Variants in RNF213 observed in about 807,000 individuals in gnomAD.
The protein encoded by RNF213 is ring finger protein 213.
RNF213 carries 341 observed loss-of-function variants against 514.4 expected under a neutral mutation model. That is an observed-to-expected ratio of 0.66 (90% CI 0.61 to 0.73). The LOEUF (loss-of-function observed/expected upper bound fraction) is 0.73, where lower values mean the gene tolerates loss of function less well. Ranked by LOEUF, RNF213 falls within the 30% of genes least tolerant of loss-of-function variation. RNF213 has a pLI of 0.00. For synonymous variants in RNF213, 2,655 were observed against 2,658.2 expected, an observed-to-expected ratio of 1.00 and a Z score of 0.04; for missense variants, 5,767 against 6,615.6, an observed-to-expected ratio of 0.87 and a Z score of 4.45.
chr17:80,318,741 A>G (rs116952508), intron 16 of RNF213, among the ~76,000 whole-genome samples: 9,715 of 151,476 alleles, frequency 0.064, 459 homozygotes, highest in East Asian at 0.23. Context: ...GCCCAGCTAT[A>G]TTTTTGTATT....
Position 80,319,326 on chromosome 17 carries a change from C to T in RNF213, c.3024+14C>T, listed in dbSNP as rs371695657. On this transcript the variant is annotated intron_variant, in intron 17 of 67. Coordinates refer to ENST00000582970, the MANE Select transcript of RNF213 (RefSeq NM_001256071.3). ...TCAGCCTGCCAGGTGAACAATCTCT[C>T]CTCCTGGGAAACGGATTCGGGCTCA... is the stretch of plus-strand genomic sequence containing the variant. The T allele has an allele frequency of 1.9e-5, 30 of 1,614,086 alleles. No homozygotes were observed. Among genetic ancestry groups the T allele is most frequent in the East Asian group, 2.2e-5 (1 of 44,894 alleles).
rs61739536 is a variant in RNF213 at position 80,379,664 on chromosome 17, G to A, written c.13590G>A (p.Ala4530=). 2.9e-3 allele frequency: 4,654 copies of A among 1,614,216 alleles called. 129 individuals carry two copies. The African/African-American group carries it at 0.054, about 19-fold the overall frequency. ...MEQSICIDCH[A]PIGGIDHKPR... The stretch of plus-strand genomic sequence containing the variant: ...AGAGCATCTGCATTGACTGCCATGC[G>A]CCGATTGGAGGCATTGACCACAAAC... Residue 4530 remains alanine, a synonymous_variant, in exon 55 of 68, where the codon GCG becomes GCA. Transcript: ENST00000582970.
chr17:80,349,739 G>A, intron 29 of RNF213, 31 bp from the exon 30 acceptor site: 1 of 1,613,004 alleles, frequency 6.2e-7, no homozygotes, highest in East Asian at 2.2e-5. Flanking sequence ...CTTGAAGTCT[G>A]GCAAGTAATT....
chr17:80,363,053 C>T (rs1222292275), intron 39 of RNF213, 49 bp from the exon 40 acceptor site: 13 of 1,513,878 alleles, frequency 8.6e-6, no homozygotes, highest in Non-Finnish European at 1.0e-5. Context: ...GGAAAACATA[C>T]CATTTTTGTA....
chr17:80,301,282 C>G (rs1019013621), intron 11 of RNF213, among the ~76,000 whole-genome samples: 4 of 152,118 alleles, frequency 2.6e-5, no homozygotes, highest in Non-Finnish European at 5.9e-5. Context: ...TGGAGAAGTC[C>G]TTAAAAGCAC....
At chr17:80,319,949 C>A (rs952371451) in intron 17 of RNF213, 2 of 1,027,086 alleles carry the variant, frequency 1.9e-6, no homozygotes, top group Non-Finnish European at 2.3e-6. Context: ...TTCCGGGGAC[C>A]AAGGGGTTCT....
chr17:80,389,358 C>G lies in RNF213; in HGVS notation c.15186C>G (p.His5062Gln). The change falls in exon 65 of 68, where the codon CAC (histidine) becomes CAG (glutamine). Residue 5062 changes from histidine (H) to glutamine (Q), a missense_variant. This residue lies in a region of RNF213 where 1,245 missense variants were observed against 1,339.0 expected (regional missense o/e 0.93). Coordinates refer to ENST00000582970, the MANE Select transcript of RNF213 (RefSeq NM_001256071.3). ...DILQMGDQTIHVLKALNRCQL... is the reference protein window; with the variant it reads ...DILQMGDQTIQVLKALNRCQL... Reference sequence around the variant, plus strand: ...TGCAAATGGGTGATCAGACGATTCACGTGTTAAAGGTGGGTCTCACACCGA... The same window carrying G: ...TGCAAATGGGTGATCAGACGATTCAGGTGTTAAAGGTGGGTCTCACACCGA... The G allele has an allele frequency of 6.2e-7, 1 of 1,614,010 alleles. No individual in the cohort carries two copies. Among genetic ancestry groups the G allele is most frequent in the Non-Finnish European group, 8.5e-7 (1 of 1,179,916 alleles).
intron 17 of RNF213, among the ~76,000 whole-genome samples, chr17:80,323,013 G>T (rs1469022281): frequency 9.2e-5 from 14 of 152,092 alleles, no homozygotes; most frequent in Non-Finnish European, 1.5e-5. Context: ...TATAGTTTTA[G>T]CTCTTACATG....
intron 30 of RNF213, among the ~76,000 whole-genome samples, 177 bp downstream of exon 30, chr17:80,350,083 T>C (rs1350015758): frequency 2.0e-5 from 3 of 152,186 alleles, no homozygotes; most frequent in Non-Finnish European, 4.4e-5. Context: ...TGCAACGCGG[T>C]GTCTGGCCTA....
In RNF213 at chr17:80,290,585, T is replaced by G. The variant is rs1156907221; in HGVS notation, c.1128T>G (p.Gly376=). 3 of 1,613,974 alleles carry G rather than the reference T, an allele frequency of 1.9e-6. No individual in the cohort carries two copies. The highest frequency in any genetic ancestry group is 1.3e-5 in the African/African-American group (1 of 75,044). ...TTTCCACCAGCACGCTGAGCCCGGG[T>G]GGAGGAGTCACCGTGTTCTTCCACG... is the stretch of plus-strand genomic sequence containing the variant. The part of the protein sequence containing the change: ...QEVKASTLSP[G]GGVTVFFHAI... The change falls in exon 7 of 68, where the codon GGT becomes GGG. Residue 376 remains glycine (G), a synonymous_variant. Coordinates refer to ENST00000582970, the MANE Select transcript of RNF213 (RefSeq NM_001256071.3).
intron 36 of RNF213, among the ~76,000 whole-genome samples, chr17:80,357,964 C>T (rs892957827): frequency 2.0e-5 from 3 of 152,130 alleles, no homozygotes; most frequent in African/African-American, 4.8e-5. Context: ...CCGCAGTTGG[C>T]GTGACAGAGT....
chr17:80,276,758 T>A (rs1404769152), intron 3 of RNF213, among the ~76,000 whole-genome samples: 1 of 150,012 alleles, frequency 6.7e-6, no homozygotes, highest in Non-Finnish European at 1.5e-5. Context: ...AAGTTACGCA[T>A]AAAATTATCC....
intron 7 of RNF213, 139 bp downstream of exon 7, chr17:80,290,867 T>C (rs1405330491): frequency 1.0e-6 from 1 of 979,016 alleles, no homozygotes; most frequent in Non-Finnish European, 1.5e-6. Context: ...TGGAGTGTGG[T>C]GGCACCATCT....
At chr17:80,356,339 A>G (rs1388250525) in intron 36 of RNF213, among the ~76,000 whole-genome samples, 1 of 151,916 alleles carries the variant, frequency 6.6e-6, no homozygotes, top group Non-Finnish European at 1.5e-5. Context: ...ACTCCCCGGG[A>G]CCAGCCCTGA....
intron 50 of RNF213, 114 bp downstream of exon 50, chr17:80,374,703 C>A: frequency 7.9e-7 from 1 of 1,269,846 alleles, no homozygotes. Context: ...CAGCCCATCA[C>A]GTGACACTGT....
chr17:80,336,837 A>G (rs558649045), intron 23 of RNF213: 94 of 320,026 alleles, frequency 2.9e-4, no homozygotes, highest in Non-Finnish European at 4.8e-4. Context: ...GGAGGCAGAG[A>G]TAGCAGTGAA....
rs1437787985 is a variant in RNF213 at position 80,393,386 on chromosome 17, G to T, written c.15512G>T (p.Ser5171Ile). The T allele has an allele frequency of 6.2e-7, 1 of 1,614,202 alleles. No individual in the cohort carries two copies. ...TLVSYMQTKE[S>I]EILPEMASQF... ...GTAAGTTACATGCAAACTAAAGAAA[G>T]TGAAATTCTTCCTGAAATGGCATCT... The change falls in exon 68 of 68, where the codon AGT (serine) becomes ATT (isoleucine). Residue 5171 changes from serine to isoleucine, a missense_variant. Transcript: ENST00000582970.
intron 13 of RNF213, 75 bp downstream of exon 13, chr17:80,307,276 C>T (rs767314590): frequency 9.3e-6 from 12 of 1,291,372 alleles, no homozygotes; most frequent in Admixed American, 3.4e-5. Flanking sequence ...TATAATTGGC[C>T]GTGACCCACA....
At chr17:80,265,040 G>GTTTTTT (rs112658451) in intron 2 of RNF213, among the ~76,000 whole-genome samples, 1,473 of 133,702 alleles carry the variant, frequency 0.011, 23 homozygotes, top group African/African-American at 0.04. Context: ...TTCCATGTTT[G>GTTTTTT]TTTGTTTTTT....
Sources: allele counts gnomAD v4.1 joint callset (sites outside exome capture counted in the v4.1 genomes callset), GRCh38; gene constraint gnomAD v4.1.1; regional missense constraint gnomAD v4.1.1; transcripts MANE v1.5; gene names NCBI Gene and HGNC (gene_info 2026-07-23, HGNC 2026-07-21).